Variants in CPA4 observed in about 807,000 individuals in gnomAD.
CPA4 encodes carboxypeptidase A3.
A neutral mutation model predicts 54.7 loss-of-function variants in CPA4; 49 were observed. That is an observed-to-expected ratio of 0.90 (90% CI 0.71 to 1.14). The LOEUF is 1.14. Among genes scored for constraint, CPA4 ranks in the 50% most tolerant of loss-of-function variants. CPA4 has a pLI of 0.00. For missense variants in CPA4, 487 were observed against 525.1 expected, an observed-to-expected ratio of 0.93 and a Z score of 0.71; for synonymous variants, 215 against 206.8, an observed-to-expected ratio of 1.04 and a Z score of -0.34.
Position 130,310,065 on chromosome 7 carries a change from C to T in CPA4, c.794-722C>T, listed in dbSNP as rs1488210462. 1.3e-5 allele frequency among the ~76,000 whole-genome samples: 2 copies of T among 152,172 alleles called. No individual in the cohort carries two copies. The highest frequency in any genetic ancestry group is 2.1e-4 in the South Asian group (1 of 4,824). On this transcript the variant is annotated intron_variant, in intron 8 of 10. Transcript: ENST00000222482. The surrounding 1 kb of genome is among the most constrained non-coding windows in gnomAD (Gnocchi z 4.3). ...TATAGACATGAGGCACTGTGCCCGG[C>T]CCCGATGGTTTGTTTTTAATGTGCT...
chr7:130,311,941 G>C (rs774592059), intron 9 of CPA4, 97 bp from the exon 10 acceptor site: 50 of 876,706 alleles, frequency 5.7e-5, no homozygotes, highest in East Asian at 1.3e-4. Context: ...AATCGGGGGG[G>C]GCTGAGAATC....
In CPA4 at chr7:130,323,642, G is replaced by A. The variant is rs1169643027; in HGVS notation, c.*966G>A. The A allele has an allele frequency of 1.3e-5, 2 of 152,222 alleles. No homozygotes were observed. Among genetic ancestry groups the A allele is most frequent in the African/African-American group, 2.4e-5 (1 of 41,440 alleles). 9.4% of individuals were successfully genotyped at this position (152,222 alleles called of 1,614,324 possible). Reference sequence around the variant, plus strand: ...CTTTGTTATTCAGTGTGACCAGGATGGCGGGAGGGGATCTGTGTCACTGTA... The same window carrying A: ...CTTTGTTATTCAGTGTGACCAGGATAGCGGGAGGGGATCTGTGTCACTGTA... On this transcript the variant is annotated 3_prime_UTR_variant, in exon 11 of 11. Transcript: ENST00000222482.
intron 10 of CPA4, among the ~76,000 whole-genome samples, chr7:130,313,035 G>A (rs949873897): frequency 1.3e-5 from 2 of 152,194 alleles, no homozygotes; most frequent in Non-Finnish European, 2.9e-5. Flanking sequence ...ATTTGCCCAA[G>A]ATGGTGATGC....
chr7:130,317,973 C>T (rs1011230343), intron 10 of CPA4, among the ~76,000 whole-genome samples: 1 of 152,166 alleles, frequency 6.6e-6, no homozygotes, highest in African/African-American at 2.4e-5. Context: ...GACTCCATCT[C>T]AACAGTCTTG....
Position 130,304,586 on chromosome 7 carries a change from C to T in CPA4, c.486+7C>T, listed in dbSNP as rs564381673. 7.1e-6 allele frequency: 11 copies of T among 1,556,366 alleles called. No individual in the cohort carries two copies. The South Asian group carries it at 1.1e-4, about 16-fold the overall frequency. On this transcript the variant is annotated splice_region_variant and intron_variant, in intron 5 of 10. Coordinates refer to ENST00000222482, the MANE Select transcript of CPA4 (RefSeq NM_016352.4). The stretch of plus-strand genomic sequence containing the variant: ...GCCGATGTATGTACTGAAGGTGAGG[C>T]CACATGCACTTGGAAGGGTCTCCTG...
At chr7:130,307,065 T>C (rs922889696) in intron 7 of CPA4, among the ~76,000 whole-genome samples, 168 bp downstream of exon 7, 4 of 152,216 alleles carry the variant, frequency 2.6e-5, no homozygotes, top group African/African-American at 9.6e-5. Context: ...ATATTTCTTC[T>C]TAGAGAAAAT....
intron 10 of CPA4, among the ~76,000 whole-genome samples, chr7:130,321,324 C>A (rs899527287): frequency 6.6e-6 from 1 of 152,122 alleles, no homozygotes. Context: ...AAGGTAAGTC[C>A]CAAGGGCTGT....
chr7:130,307,629 CAGAAAAAA>C (rs1793844437), intron 7 of CPA4, among the ~76,000 whole-genome samples: 1 of 127,218 alleles, frequency 7.9e-6, no homozygotes, highest in Non-Finnish European at 1.6e-5. Flanking sequence ...GACTCCATCT[CAGAAAAAA>C]AAAAAAAAAA....
At chr7:130,321,283 G>A (rs1233361656) in intron 10 of CPA4, among the ~76,000 whole-genome samples, 1 of 152,140 alleles carries the variant, frequency 6.6e-6, no homozygotes, top group East Asian at 1.9e-4. Flanking sequence ...GCAGAAAAAT[G>A]GACCTCTTGC....
chr7:130,308,900 T>A (rs1334245982), intron 8 of CPA4, among the ~76,000 whole-genome samples: 1 of 146,792 alleles, frequency 6.8e-6, no homozygotes, highest in Non-Finnish European at 1.5e-5. Context: ...CAGGCTGGAG[T>A]GCAGTGGCAG....
At chr7:130,302,963 A>G (rs1392082701) in intron 4 of CPA4, among the ~76,000 whole-genome samples, 2 of 152,016 alleles carry the variant, frequency 1.3e-5, no homozygotes, top group East Asian at 1.9e-4. Flanking sequence ...TGTTTCTGGC[A>G]CCTACAATTT....
At position 130,293,572 on chromosome 7, in the gene CPA4, G is replaced by C. The variant is rs553361682; in HGVS notation, c.68+324G>C. 1.5e-4 allele frequency: 39 copies of C among 263,212 alleles called. No homozygotes were observed. The South Asian group carries it at 1.7e-3, about 12-fold the overall frequency. 16.3% of individuals were successfully genotyped at this position (263,212 alleles called of 1,614,324 possible). ...ACCTTATTAATTACTAAGAGTTACT[G>C]GTTACTAAGAGCTACGTTATTAATT... On this transcript the variant is annotated intron_variant, in intron 1 of 10. Transcript: ENST00000222482.
chr7:130,293,901 GCACA>G (rs971696713), intron 1 of CPA4, among the ~76,000 whole-genome samples: 3 of 151,974 alleles, frequency 2.0e-5, no homozygotes, highest in African/African-American at 7.3e-5. Flanking sequence ...GTGTGTGTGT[GCACA>G]CACACACGTG....
chr7:130,319,418 A>C (rs1375581136), intron 10 of CPA4, among the ~76,000 whole-genome samples: 1 of 152,238 alleles, frequency 6.6e-6, no homozygotes, highest in East Asian at 1.9e-4. Flanking sequence ...AGCATTATCT[A>C]TAGTTACAAA....
chr7:130,322,810 C>A lies in CPA4; in HGVS notation c.*134C>A. The A allele has an allele frequency of 1.3e-6, 1 of 791,376 alleles. No homozygotes were observed. Among genetic ancestry groups the A allele is most frequent in the Non-Finnish European group, 1.9e-6 (1 of 515,768 alleles). 49.0% of individuals were successfully genotyped at this position (791,376 alleles called of 1,614,324 possible). On this transcript the variant is annotated 3_prime_UTR_variant, in exon 11 of 11. Transcript: ENST00000222482. ...GTGGAGCACACAGGCCTGCCCCTCT[C>A]CAGCCAGCTCCCTGGAGTCGTGTGT...
At position 130,304,535 on chromosome 7, in the gene CPA4, A is replaced by G. The variant is rs753475584; in HGVS notation, c.442A>G (p.Lys148Glu). The change falls in exon 5 of 11, where the codon AAG (lysine) becomes GAG (glutamate). Residue 148 changes from lysine (K) to glutamate (E), a missense_variant. By Grantham distance (56) the Lys-to-Glu change is moderately conservative (BLOSUM62 1). Coordinates refer to ENST00000222482, the MANE Select transcript of CPA4 (RefSeq NM_016352.4). The stretch of plus-strand genomic sequence containing the variant: ...CTTTCCTGACCTGGCGAGGAGGGTG[A>G]AGATTGGACATTCGTTTGAAAACCG... ...ADFPDLARRV[K>E]IGHSFENRPM... The G allele has an allele frequency of 6.2e-7, 1 of 1,613,822 alleles. No homozygotes were observed. Among genetic ancestry groups the G allele is most frequent in the South Asian group, 1.1e-5 (1 of 91,074 alleles).
rs528464789 is a variant in CPA4 at position 130,311,765 on chromosome 7, G to A, written c.994-273G>A. 4.6e-5 allele frequency among the ~76,000 whole-genome samples: 7 copies of A among 152,154 alleles called. No homozygotes were observed. In the East Asian group the frequency reaches 1.4e-3, roughly 29 times the overall value. On this transcript the variant is annotated intron_variant, in intron 9 of 10. Transcript: ENST00000222482. ...AGAACCCCCATCTCTTCCAATCTGA[G>A]TACATAATGCACAGGCTTCCACTTC...
At chr7:130,295,355 G>A (rs1402289543) in intron 1 of CPA4, among the ~76,000 whole-genome samples, 2 of 152,222 alleles carry the variant, frequency 1.3e-5, no homozygotes, top group Non-Finnish European at 2.9e-5. Flanking sequence ...TGCAATGGCA[G>A]CAGCTGGACG....
At chr7:130,314,784 T>C (rs1793963859) in intron 10 of CPA4, among the ~76,000 whole-genome samples, 1 of 152,178 alleles carries the variant, frequency 6.6e-6, no homozygotes, top group Admixed American at 6.5e-5. Flanking sequence ...GGATGTATAA[T>C]GGGAATTCTG....
Sources: gnomAD v4.1 joint callset for allele counts (sites outside exome capture counted in the v4.1 genomes callset) on GRCh38, gnomAD v4.1.1 for gene constraint, Gnocchi (gnomAD v3.1) non-coding constraint, MANE v1.5 for transcripts, NCBI Gene and HGNC (gene_info 2026-07-23, HGNC 2026-07-21) for gene names.